The following CACNA1C variants were observed in gnomAD, a reference collection of about 807,000 sequenced individuals.
CACNA1C encodes voltage-dependent L-type calcium channel subunit alpha-1C.
A neutral mutation model predicts 229.0 loss-of-function variants in CACNA1C; 30 were observed. The observed-to-expected ratio is 0.13, with a 90% CI of 0.10 to 0.18. CACNA1C has a LOEUF of 0.18. Among genes scored for constraint, CACNA1C ranks in the 10% least tolerant of loss-of-function variants. The probability of loss-of-function intolerance (pLI) is 1.00; values close to 1 mark genes in which losing one functional copy is unlikely to be tolerated. For missense variants in CACNA1C, 1,658 were observed against 2,845.0 expected, an observed-to-expected ratio of 0.58 and a Z score of 9.49; for synonymous variants, 1,114 against 1,132.5, an observed-to-expected ratio of 0.98 and a Z score of 0.33.
At position 2,654,513 on chromosome 12, in the gene CACNA1C, T is replaced by A. The variant is rs1345542607; in HGVS notation, c.4140+613T>A. On this transcript the variant is annotated intron_variant, in intron 33 of 46. Coordinates refer to ENST00000399655, the MANE Select transcript of CACNA1C (RefSeq NM_000719.7). The surrounding 1 kb of genome is among the most constrained non-coding windows in gnomAD (Gnocchi z 4.4). ...TCCAGCTTGAGTCCCAAGGCCAAAC[T>A]TGGCAGGGCGCCCACACTAGCCCAA... is the stretch of plus-strand genomic sequence containing the variant. 6.6e-6 allele frequency among the ~76,000 whole-genome samples: 1 copy of A among 152,130 alleles called. No individual in the cohort carries two copies. The highest frequency in any genetic ancestry group is 1.5e-5 in the Non-Finnish European group (1 of 68,022).
In CACNA1C at chr12:2,677,964, C is replaced by G. The variant is rs2096908050; in HGVS notation, c.5091+97C>G. Reference sequence around the variant, plus strand: ...TGCGGGGAACGTCCAGGGGAAGGAGCTGCACCAGAGGAAAGGGCTACTTCC... The same window carrying G: ...TGCGGGGAACGTCCAGGGGAAGGAGGTGCACCAGAGGAAAGGGCTACTTCC... On this transcript the variant is annotated intron_variant, in intron 41 of 46. Transcript: ENST00000399655. The surrounding 1 kb of genome is among the most constrained non-coding windows in gnomAD (Gnocchi z 7.4). 2 of 1,415,090 alleles carry G rather than the reference C, an allele frequency of 1.4e-6. No homozygotes were observed. 87.7% of individuals were successfully genotyped at this position (1,415,090 alleles called of 1,614,324 possible). A position where few individuals can be genotyped will look rare whatever the true frequency, so the allele number is the denominator to read the frequency against.
intron 5 of CACNA1C, among the ~76,000 whole-genome samples, chr12:2,474,756 CAA>C (rs34963749): frequency 1.7e-4 from 17 of 99,832 alleles, no homozygotes; most frequent in Non-Finnish European, 1.4e-4. Context: ...AACTCCATCT[CAA>C]AAAAAAAAAA....
At chr12:2,415,732 G>A (rs1209073939) in intron 3 of CACNA1C, among the ~76,000 whole-genome samples, 2 of 152,232 alleles carry the variant, frequency 1.3e-5, no homozygotes, top group East Asian at 3.9e-4. Flanking sequence ...GCTGAGCTTG[G>A]CGGCTCTCAT....
chr12:2,532,359 C>G lies in CACNA1C; in HGVS notation c.1391-17584C>G, dbSNP rs572424010. On this transcript the variant is annotated intron_variant, in intron 9 of 46. Transcript: ENST00000399655. ...TGCCTCTCTCCCTCCCACCCCTCGA[C>G]ACAGTCCTTCCTTCCTCTCTGACAT... 2.5e-4 allele frequency among the ~76,000 whole-genome samples: 38 copies of G among 152,292 alleles called. No homozygotes were observed. In the South Asian group the frequency reaches 7.7e-3, roughly 31 times the overall value.
intron 5 of CACNA1C, among the ~76,000 whole-genome samples, chr12:2,464,028 C>T (rs993503158): frequency 2.0e-5 from 3 of 151,978 alleles, no homozygotes; most frequent in Admixed American, 1.3e-4. Context: ...AGCAAGGGGT[C>T]GTTTCCTGCT....
intron 9 of CACNA1C, among the ~76,000 whole-genome samples, chr12:2,540,344 C>A (rs1458360681): frequency 6.6e-6 from 1 of 152,054 alleles, no homozygotes; most frequent in African/African-American, 2.4e-5. Flanking sequence ...ACTTAAAATT[C>A]TCACCGACTC....
At chr12:1,991,158 A>C (rs11062046) in intron 1 of CACNA1C, 64,064 of 456,092 alleles carry the variant, frequency 0.14, 5,148 homozygotes, top group Admixed American at 0.21. Context: ...AGAGCAGTAC[A>C]GGTGGTGTGG....
intron 3 of CACNA1C, among the ~76,000 whole-genome samples, chr12:2,182,638 C>T (rs962169573): frequency 1.3e-5 from 2 of 152,150 alleles, no homozygotes; most frequent in Non-Finnish European, 2.9e-5. Context: ...TGTCTAATTC[C>T]TCCACAGAAC....
rs1306800496 is a variant in CACNA1C, at chr12:2,512,407, CT to C, written c.1218-404del. The stretch of plus-strand genomic sequence containing the variant: ...GAGAATTTTAAACTACCACTCAATA[CT>C]GGGTGGGATGGAAATGCATGTTCTG... On this transcript the variant is annotated intron_variant, in intron 8 of 46. Coordinates refer to ENST00000399655, the MANE Select transcript of CACNA1C (RefSeq NM_000719.7). The surrounding 1 kb of genome is among the most constrained non-coding windows in gnomAD (Gnocchi z 4.3). Among the ~76,000 whole-genome samples, 1 of 152,098 alleles carries C rather than the reference CT, an allele frequency of 6.6e-6. No homozygotes were observed.
chr12:2,529,611 C>T (rs552887094), intron 9 of CACNA1C, among the ~76,000 whole-genome samples: 82 of 152,304 alleles, frequency 5.4e-4, no homozygotes, highest in African/African-American at 1.6e-3. Context: ...AGATCTAAAA[C>T]GAGGTTGGGC....
chr12:2,061,127 T>TC lies in CACNA1C; in HGVS notation c.49+7519dup, dbSNP rs1026349538. Among the ~76,000 whole-genome samples the TC allele has an allele frequency of 1.3e-4, 16 of 121,772 alleles. No individual in the cohort carries two copies. In the East Asian group the frequency reaches 4.5e-3, roughly 35 times the overall value. The allele number at this position is 121,772 out of a possible 152,430, so 79.9% of individuals were successfully genotyped here. On this transcript the variant is annotated intron_variant, in intron 1 of 46. Coordinates refer to ENST00000399655, the MANE Select transcript of CACNA1C (RefSeq NM_000719.7). ...CTCTGAGAGTTCAGAAGGAATCAAATCCCTTTTTTTTTTTTTGTCTGTAAA... is the reference window on the plus strand; with the variant it reads ...CTCTGAGAGTTCAGAAGGAATCAAATCCCCTTTTTTTTTTTTTGTCTGTAAA...
At chr12:2,642,410 C>T (rs1240750081) in intron 30 of CACNA1C, among the ~76,000 whole-genome samples, 2 of 152,154 alleles carry the variant, frequency 1.3e-5, no homozygotes, top group African/African-American at 4.8e-5. Flanking sequence ...CAGTGTCTGA[C>T]ACTTCAGTTC....
chr12:2,316,241 A>G (rs771850503), intron 3 of CACNA1C, among the ~76,000 whole-genome samples: 4 of 152,260 alleles, frequency 2.6e-5, no homozygotes, highest in Non-Finnish European at 5.9e-5. Context: ...CACCTTTGCC[A>G]TCTCTTATCT....
intron 29 of CACNA1C, among the ~76,000 whole-genome samples, chr12:2,625,777 TA>T (rs59001750): frequency 0.016 from 1,708 of 108,738 alleles, 15 homozygotes; most frequent in African/African-American, 0.036. Context: ...ACCCCATCTC[TA>T]AAAAAAAAAA....
At chr12:2,480,996 G>A (rs1008317200) in intron 5 of CACNA1C, among the ~76,000 whole-genome samples, 6 of 152,212 alleles carry the variant, frequency 3.9e-5, no homozygotes, top group African/African-American at 1.4e-4. Flanking sequence ...AAAGAGGGAA[G>A]TATGGGTTGA....
chr12:2,116,322 C>T (rs976773278), intron 2 of CACNA1C, among the ~76,000 whole-genome samples: 1 of 151,680 alleles, frequency 6.6e-6, no homozygotes, highest in Non-Finnish European at 1.5e-5. Context: ...TGTGGAGTTA[C>T]AAGCCCCTTA....
At chr12:2,347,904 G>T (rs1439946773) in intron 3 of CACNA1C, among the ~76,000 whole-genome samples, 1 of 152,270 alleles carries the variant, frequency 6.6e-6, no homozygotes, top group East Asian at 1.9e-4. Context: ...GCACTTGGTA[G>T]GCTGTTGGAG....
At chr12:2,310,296 A>G (rs1055829536) in intron 3 of CACNA1C, among the ~76,000 whole-genome samples, 2 of 151,658 alleles carry the variant, frequency 1.3e-5, no homozygotes, top group African/African-American at 2.4e-5. Flanking sequence ...AGTTCCCTCA[A>G]CAGGAAAGAT....
intron 1 of CACNA1C, among the ~76,000 whole-genome samples, chr12:2,106,375 C>T (rs1237456500): frequency 7.9e-5 from 5 of 62,964 alleles, no homozygotes; most frequent in African/African-American, 1.1e-4. Flanking sequence ...CACTGGGCGC[C>T]CACCCCGGGG....
Sources: allele counts gnomAD v4.1 joint callset (sites outside exome capture counted in the v4.1 genomes callset), GRCh38; gene constraint gnomAD v4.1.1; non-coding constraint Gnocchi (gnomAD v3.1); transcripts MANE v1.5; gene names NCBI Gene and HGNC (gene_info 2026-07-23, HGNC 2026-07-21).